The following CNTNAP2 variants were observed in gnomAD, a reference collection of about 807,000 sequenced individuals.
CNTNAP2 encodes contactin-associated protein-like 2.
Under a neutral mutation model 155.2 loss-of-function variants are expected in CNTNAP2, and 98 were observed. The observed-to-expected ratio is 0.63, with a 90% confidence interval of 0.54 to 0.75. CNTNAP2 has a LOEUF of 0.75. CNTNAP2 is among the 30% of genes least tolerant of loss of function. The probability of loss-of-function intolerance (pLI) is 0.00; values close to 1 mark genes in which losing one functional copy is unlikely to be tolerated. For missense variants in CNTNAP2, 1,727 were observed against 1,688.1 expected (o/e 1.02, Z -0.40); for synonymous variants, 651 against 631.2 (o/e 1.03, Z -0.47).
chr7:148,053,971 CTT>C (rs531701824), intron 15 of CNTNAP2, among the ~76,000 whole-genome samples: 5 of 127,146 alleles, frequency 3.9e-5, no homozygotes, highest in Admixed American at 8.4e-5. Context: ...AATTCCACTT[CTT>C]TTTTTTTTTT....
At chr7:148,130,104 CA>C (rs899490601) in intron 16 of CNTNAP2, among the ~76,000 whole-genome samples, 2 of 152,238 alleles carry the variant, frequency 1.3e-5, no homozygotes, top group African/African-American at 4.8e-5. Context: ...CATTTTCACT[CA>C]AAAGCCCCCT....
Position 146,550,416 on chromosome 7 carries a change from T to TGTTTG in CNTNAP2, c.98-223855_98-223854insGTTTG, listed in dbSNP as rs1204690888. Among the ~76,000 whole-genome samples, 32 of 87,030 alleles carry TGTTTG rather than the reference T, an allele frequency of 3.7e-4. 1 individual carries two copies. Among genetic ancestry groups the TGTTTG allele is most frequent in the South Asian group, 1.9e-3 (3 of 1,582 alleles). The allele number at this position is 87,030 out of a possible 152,430, so 57.1% of individuals were successfully genotyped here. A position where few individuals can be genotyped will look rare whatever the true frequency, so the allele number is the denominator to read the frequency against. Reference sequence around the variant, plus strand: ...CCATTAATCTGTTTTTTTTTTTTTTTTTTTTTTTTTTTTATAAAGTACCCG... The same window carrying TGTTTG: ...CCATTAATCTGTTTTTTTTTTTTTTTGTTTGTTTTTTTTTTTTTATAAAGTACCCG... On this transcript the variant is annotated intron_variant, in intron 1 of 23. Transcript: ENST00000361727.
intron 1 of CNTNAP2, among the ~76,000 whole-genome samples, chr7:146,430,175 GTTT>G (rs60402262): frequency 6.9e-6 from 1 of 145,902 alleles, no homozygotes; most frequent in African/African-American, 2.5e-5. Context: ...TTTGCCTGAA[GTTT>G]TTTTTTTTTT....
chr7:147,904,111 C>T (rs35403318), intron 14 of CNTNAP2, among the ~76,000 whole-genome samples: 1,671 of 152,214 alleles, frequency 0.011, 87 homozygotes, highest in Admixed American at 0.091. Flanking sequence ...CAACCACCTC[C>T]TGCAATGTTT....
chr7:146,131,597 C>T (rs1277233191), intron 1 of CNTNAP2, among the ~76,000 whole-genome samples: 1 of 152,174 alleles, frequency 6.6e-6, no homozygotes, highest in Non-Finnish European at 1.5e-5. Flanking sequence ...TATGCACCTT[C>T]AAATAGAATA....
At chr7:148,033,740 C>T (rs1260114045) in intron 15 of CNTNAP2, among the ~76,000 whole-genome samples, 2 of 152,148 alleles carry the variant, frequency 1.3e-5, no homozygotes, top group Non-Finnish European at 2.9e-5. Context: ...TGTTAGATTG[C>T]ATTTTTTATA....
intron 13 of CNTNAP2, among the ~76,000 whole-genome samples, chr7:147,804,168 C>T (rs906236198): frequency 6.6e-6 from 1 of 152,132 alleles, no homozygotes; most frequent in Non-Finnish European, 1.5e-5. Context: ...TGAAAAGCTG[C>T]CAGATCTATA....
intron 8 of CNTNAP2, among the ~76,000 whole-genome samples, chr7:147,160,603 A>G (rs1802007040): frequency 6.6e-6 from 1 of 152,144 alleles, no homozygotes. Flanking sequence ...TCAAACCCTA[A>G]TAGAGTTCAG....
chr7:147,129,967 T>G (rs543736563), intron 7 of CNTNAP2, among the ~76,000 whole-genome samples: 4 of 152,314 alleles, frequency 2.6e-5, no homozygotes, highest in African/African-American at 9.6e-5. Context: ...GGTATTGTGC[T>G]AGGCAAGTCG....
At chr7:148,316,996 C>A (rs897027791) in intron 21 of CNTNAP2, among the ~76,000 whole-genome samples, 3 of 152,142 alleles carry the variant, frequency 2.0e-5, no homozygotes, top group Admixed American at 6.5e-5. Context: ...TCCATAGGTC[C>A]CAAATGTATT....
At chr7:146,245,060 C>T (rs1281207332) in intron 1 of CNTNAP2, among the ~76,000 whole-genome samples, 1 of 152,214 alleles carries the variant, frequency 6.6e-6, no homozygotes, top group Admixed American at 6.5e-5. Flanking sequence ...TTCTAAGAGG[C>T]GGGCTAGTGG....
chr7:147,736,404 T>C (rs1176631544), intron 13 of CNTNAP2, among the ~76,000 whole-genome samples: 1 of 152,244 alleles, frequency 6.6e-6, no homozygotes, highest in Admixed American at 6.5e-5. Context: ...GTTAGTCTGA[T>C]GGGCTTCCCT....
At chr7:148,203,268 C>G (rs1002308819) in intron 18 of CNTNAP2, among the ~76,000 whole-genome samples, 5 of 152,104 alleles carry the variant, frequency 3.3e-5, no homozygotes, top group African/African-American at 1.2e-4. Context: ...TTAATTCAAA[C>G]AGTGTACATT....
Position 147,227,963 on chromosome 7 carries a change from A to G in CNTNAP2, c.1349-72178A>G, listed in dbSNP as rs183008339. On this transcript the variant is annotated intron_variant, in intron 8 of 23. Transcript: ENST00000361727. ...GATCTTCATTTGCACTCTAATATTA[A>G]TCGGTTGGTGAGAGAGGAAGAAGCA... 2.7e-3 allele frequency among the ~76,000 whole-genome samples: 404 copies of G among 152,244 alleles called. 1 individual carries two copies. The highest frequency in any genetic ancestry group is 9.1e-3 in the African/African-American group (378 of 41,542).
intron 11 of CNTNAP2, among the ~76,000 whole-genome samples, chr7:147,489,558 A>G (rs546601924): frequency 1.3e-5 from 2 of 152,306 alleles, no homozygotes; most frequent in East Asian, 3.9e-4. Flanking sequence ...ATCATGTTGA[A>G]CAGTTTGTGT....
At chr7:146,259,878 A>G (rs1199941643) in intron 1 of CNTNAP2, among the ~76,000 whole-genome samples, 2 of 152,228 alleles carry the variant, frequency 1.3e-5, no homozygotes, top group Non-Finnish European at 2.9e-5. Context: ...TTAATAGCCA[A>G]GAGAATGAGG....
At chr7:147,975,126 T>C (rs991642958) in intron 14 of CNTNAP2, among the ~76,000 whole-genome samples, 6 of 151,650 alleles carry the variant, frequency 4.0e-5, no homozygotes, top group Admixed American at 1.3e-4. Context: ...GTATTATGTA[T>C]AATATTTTTT....
intron 3 of CNTNAP2, among the ~76,000 whole-genome samples, chr7:146,979,112 C>A (rs1348454727): frequency 6.6e-6 from 1 of 152,082 alleles, no homozygotes; most frequent in Non-Finnish European, 1.5e-5. Context: ...GACTTTCCCC[C>A]AGTATTGATT....
chr7:147,848,141 G>C (rs1362340322), intron 13 of CNTNAP2, among the ~76,000 whole-genome samples: 1 of 135,740 alleles, frequency 7.4e-6, no homozygotes, highest in Non-Finnish European at 1.6e-5. Context: ...GGAGCTTCCC[G>C]GCTGCTTTGT....
Sources: gnomAD v4.1 joint callset for allele counts (sites outside exome capture counted in the v4.1 genomes callset) on GRCh38, gnomAD v4.1.1 for gene constraint, MANE v1.5 for transcripts, NCBI Gene and HGNC (gene_info 2026-07-23, HGNC 2026-07-21) for gene names.